The following UHRF1 variants were observed in gnomAD, a reference collection of about 807,000 sequenced individuals.
The protein encoded by UHRF1 is E3 ubiquitin-protein ligase UHRF1.
In UHRF1, 9 loss-of-function variants were observed where a neutral mutation model predicts 96.5. The ratio of observed to expected loss-of-function variants is 0.09; its 90% CI spans 0.06 to 0.16. The LOEUF is 0.16. Ranked by LOEUF, UHRF1 falls within the 10% of genes least tolerant of loss-of-function variation. The pLI is 1.00. For missense variants in UHRF1, 626 were observed against 1,131.1 expected (o/e 0.55, Z 6.40); for synonymous variants, 455 against 469.9 (o/e 0.97, Z 0.41).
intron 15 of UHRF1, among the ~76,000 whole-genome samples, chr19:4,956,398 T>A (rs1014296715): frequency 2.0e-5 from 3 of 152,230 alleles, no homozygotes; most frequent in Non-Finnish European, 2.9e-5. Context: ...CTTGACTCAG[T>A]GCAGGGTGTG....
At chr19:4,910,107 G>A (rs1393110436) in intron 1 of UHRF1, 2 of 152,404 alleles carry the variant, frequency 1.3e-5, no homozygotes, top group Non-Finnish European at 2.9e-5. Flanking sequence ...CTTGACGAGC[G>A]GGGGCCCCCT....
In UHRF1 at chr19:4,954,629, A is replaced by C. The variant is rs2033805447; in HGVS notation, c.1958-21A>C. The C allele has an allele frequency of 6.2e-7, 1 of 1,609,504 alleles. No individual in the cohort carries two copies. Among genetic ancestry groups the C allele is most frequent in the Non-Finnish European group, 8.5e-7 (1 of 1,177,912 alleles). On this transcript the variant is annotated intron_variant, in intron 14 of 16. Transcript: ENST00000650932. The surrounding 1 kb of genome is among the most constrained non-coding windows in gnomAD (Gnocchi z 5.9). ...AGCTCGGGCCACGCGCCCCTCCCTC[A>C]CGCGCCCCACCCTCTTCCAGGAGGT...
intron 13 of UHRF1, 26 bp downstream of exon 13, chr19:4,951,022 T>C: frequency 6.3e-7 from 1 of 1,576,378 alleles, no homozygotes; most frequent in Non-Finnish European, 8.6e-7. Context: ...GGGATGGCAC[T>C]TTGGGAGGCC....
At chr19:4,943,166 G>C (rs2033457563) in intron 7 of UHRF1, among the ~76,000 whole-genome samples, 1 of 151,988 alleles carries the variant, frequency 6.6e-6, no homozygotes, top group East Asian at 1.9e-4. Flanking sequence ...CTTGAACCTG[G>C]GAGGCGGAGG....
intron 2 of UHRF1, among the ~76,000 whole-genome samples, chr19:4,913,807 CTTT>C (rs11341952): frequency 4.5e-5 from 5 of 110,148 alleles, no homozygotes; most frequent in South Asian, 2.8e-4. Flanking sequence ...CATGCAGTAG[CTTT>C]TTTTTTTTTT....
intron 1 of UHRF1, among the ~76,000 whole-genome samples, chr19:4,904,185 G>GTT (rs534038745): frequency 5.6e-5 from 8 of 142,764 alleles, no homozygotes; most frequent in African/African-American, 2.1e-4. Flanking sequence ...TTTTGTTTTT[G>GTT]TTTTTTTTTT....
At chr19:4,949,902 C>T (rs2033671506) in intron 11 of UHRF1, among the ~76,000 whole-genome samples, 1 of 151,910 alleles carries the variant, frequency 6.6e-6, no homozygotes, top group Non-Finnish European at 1.5e-5. Context: ...CAGGGTCTCC[C>T]TCTCTTGTCC....
rs2033550578 is a variant in UHRF1, at chr19:4,945,918, G to A, written c.1363G>A (p.Asp455Asn). The A allele has an allele frequency of 6.2e-7, 1 of 1,609,420 alleles. No homozygotes were observed. The highest frequency in any genetic ancestry group is 8.5e-7 in the Non-Finnish European group (1 of 1,179,166). The change falls in exon 10 of 17, where the codon GAC (aspartate) becomes AAC (asparagine). Residue 455 changes from aspartate to asparagine, a missense_variant. By Grantham distance (23) the Asp-to-Asn change is conservative (BLOSUM62 1). This residue lies in a region of UHRF1 where 5 missense variants were observed against 77.1 expected (regional missense o/e 0.06). Coordinates refer to ENST00000650932, the MANE Select transcript of UHRF1 (RefSeq NM_001048201.3). ...GGCTGGCATACACGGCCGGAGCAAC[G>A]ACGGAGCGTACTCCCTAGTCCTGGC... ...HVAGIHGRSN[D>N]GAYSLVLAGG...
chr19:4,912,416 G>T (rs960337256), intron 2 of UHRF1, among the ~76,000 whole-genome samples: 4 of 152,152 alleles, frequency 2.6e-5, no homozygotes, highest in Middle Eastern at 3.2e-3. Context: ...CACAGCGTAG[G>T]TCAGTGGCGG....
At chr19:4,907,338 C>T (rs2032085256), upstream of UHRF1, among the ~76,000 whole-genome samples, 1 of 152,082 alleles carries the variant, frequency 6.6e-6, no homozygotes, top group Non-Finnish European at 1.5e-5. Flanking sequence ...GGCACGATCT[C>T]TGCTCACTGG....
In UHRF1 at chr19:4,933,067, G is replaced by GC; in HGVS notation, c.785+113dup. On this transcript the variant is annotated intron_variant, in intron 5 of 16. Coordinates refer to ENST00000650932, the MANE Select transcript of UHRF1 (RefSeq NM_001048201.3). ...CAGCGCTGTGTGTGCGAGGCCCTTA[G>GC]CCTCCGGCCTGGCCTTCCTGCCTCC... 3 of 1,236,860 alleles carry GC rather than the reference G, an allele frequency of 2.4e-6. No individual in the cohort carries two copies. In the South Asian group the frequency reaches 4.5e-5, roughly 19 times the overall value. The allele number at this position is 1,236,860 out of a possible 1,614,324, so 76.6% of individuals were successfully genotyped here.
intron 2 of UHRF1, among the ~76,000 whole-genome samples, chr19:4,914,808 A>G (rs2032429598): frequency 6.6e-6 from 1 of 152,130 alleles, no homozygotes; most frequent in Non-Finnish European, 1.5e-5. Context: ...TATTTTAGAT[A>G]GGGCTAATAC....
rs962977778 is a variant in UHRF1 at position 4,956,720 on chromosome 19, C to T, written c.2142C>T (p.Phe714=). ...RPASGSPFQL[F]LSKVEETFQC... Reference sequence around the variant, plus strand: ...CCGCTTCCCTCTAGTTCCAGTTGTTCCTGAGTAAAGTGGAGGAGACGTTCC... The same window carrying T: ...CCGCTTCCCTCTAGTTCCAGTTGTTTCTGAGTAAAGTGGAGGAGACGTTCC... The change falls in exon 16 of 17, where the codon TTC becomes TTT. Residue 714 remains phenylalanine (F), a synonymous_variant. Coordinates refer to ENST00000650932, the MANE Select transcript of UHRF1 (RefSeq NM_001048201.3). 2 of 1,610,858 alleles carry T rather than the reference C, an allele frequency of 1.2e-6. No individual in the cohort carries two copies. Among genetic ancestry groups the T allele is most frequent in the South Asian group, 1.1e-5 (1 of 90,338 alleles).
At position 4,954,546 on chromosome 19, in the gene UHRF1, C is replaced by T. The variant is rs2033802309; in HGVS notation, c.1957+58C>T. On this transcript the variant is annotated intron_variant, in intron 14 of 16. Transcript: ENST00000650932. The surrounding 1 kb of genome is among the most constrained non-coding windows in gnomAD (Gnocchi z 5.9). ...TGTGTGTGGGGGAGCAGGTGGGCATCTCGCGGGTGTGGGGTTGAGGTCGTG... is the reference window on the plus strand; with the variant it reads ...TGTGTGTGGGGGAGCAGGTGGGCATTTCGCGGGTGTGGGGTTGAGGTCGTG... 1.3e-6 allele frequency: 2 copies of T among 1,583,950 alleles called. No individual in the cohort carries two copies. The highest frequency in any genetic ancestry group is 1.7e-6 in the Non-Finnish European group (2 of 1,162,486).
At chr19:4,925,746 T>C (rs1476988089) in intron 2 of UHRF1, among the ~76,000 whole-genome samples, 2 of 152,096 alleles carry the variant, frequency 1.3e-5, no homozygotes, top group Non-Finnish European at 2.9e-5. Flanking sequence ...GGTCTCAAAC[T>C]CCTGACTTCA....
intron 11 of UHRF1, among the ~76,000 whole-genome samples, chr19:4,947,587 G>T (rs958985767): frequency 7.7e-6 from 1 of 129,462 alleles, no homozygotes; most frequent in Non-Finnish European, 1.5e-5. Context: ...TGCAACCTCT[G>T]CCTCCTGGGC....
intron 4 of UHRF1, chr19:4,932,537 T>C: frequency 1.7e-6 from 1 of 599,632 alleles, no homozygotes; most frequent in Non-Finnish European, 3.0e-6. Flanking sequence ...CATCTCTTTT[T>C]GCAGGGGACA....
chr19:4,939,478 G>A (rs2033319568), intron 5 of UHRF1, among the ~76,000 whole-genome samples: 1 of 151,820 alleles, frequency 6.6e-6, no homozygotes, highest in African/African-American at 2.4e-5. Context: ...CTCCTGGGCT[G>A]AAGCAATTCT....
intron 2 of UHRF1, among the ~76,000 whole-genome samples, chr19:4,913,939 G>A (rs182392584): frequency 6.6e-6 from 1 of 151,040 alleles, no homozygotes; most frequent in Admixed American, 6.6e-5. Flanking sequence ...AGCCTCCCGA[G>A]TAGCTGGGAT....
Sources: gnomAD v4.1 joint callset for allele counts (sites outside exome capture counted in the v4.1 genomes callset) on GRCh38, gnomAD v4.1.1 for gene constraint, gnomAD v4.1.1 regional missense constraint, Gnocchi (gnomAD v3.1) non-coding constraint, MANE v1.5 for transcripts, NCBI Gene and HGNC (gene_info 2026-07-23, HGNC 2026-07-21) for gene names.